The following CACNA1I variants were observed in gnomAD, a reference collection of about 807,000 sequenced individuals.
The protein encoded by CACNA1I is voltage-dependent T-type calcium channel subunit alpha-1I.
CACNA1I carries 74 observed loss-of-function variants against 201.6 expected under a neutral mutation model. The ratio of observed to expected loss-of-function variants is 0.37; its 90% CI spans 0.30 to 0.45. The LOEUF (loss-of-function observed/expected upper bound fraction) is 0.45. CACNA1I is among the 20% of genes least tolerant of loss of function. The probability of loss-of-function intolerance (pLI) is 1.00; values close to 1 mark genes in which losing one functional copy is unlikely to be tolerated. For synonymous variants in CACNA1I, 1,431 were observed against 1,345.2 expected (o/e 1.06, Z -1.40); for missense variants, 2,346 against 3,138.1 (o/e 0.75, Z 6.03).
Position 39,648,473 on chromosome 22 carries a change from C to T in CACNA1I, c.1567+547C>T, listed in dbSNP as rs149591682. Reference sequence around the variant, plus strand: ...AAAACGAGAGTTGGCTGTCGCCCCACGTCCAGGTGGGAGCAGTGAGCCGGC... The same window carrying T: ...AAAACGAGAGTTGGCTGTCGCCCCATGTCCAGGTGGGAGCAGTGAGCCGGC... On this transcript the variant is annotated intron_variant, in intron 9 of 36. Coordinates refer to ENST00000402142, the MANE Select transcript of CACNA1I (RefSeq NM_021096.4). This position sits in a 1 kb window ranked among gnomAD's most constrained non-coding sequence, Gnocchi z 5.4. 5.2e-3 allele frequency among the ~76,000 whole-genome samples: 796 copies of T among 152,160 alleles called. 9 individuals carry two copies. Among genetic ancestry groups the T allele is most frequent in the African/African-American group, 0.018 (746 of 41,532 alleles).
At chr22:39,634,082 G>A (rs557180583) in intron 4 of CACNA1I, among the ~76,000 whole-genome samples, 1 of 152,340 alleles carries the variant, frequency 6.6e-6, no homozygotes, top group African/African-American at 2.4e-5. Flanking sequence ...GGACAAGGGG[G>A]TTGTGAAAAG....
At chr22:39,675,738 C>T (rs1381566122) in intron 29 of CACNA1I, among the ~76,000 whole-genome samples, 1 of 151,960 alleles carries the variant, frequency 6.6e-6, no homozygotes. Context: ...GGGGAGGTGA[C>T]CCATGGACTG....
At chr22:39,642,946 C>A in intron 7 of CACNA1I, 57 bp downstream of exon 7, 1 of 1,233,208 alleles carries the variant, frequency 8.1e-7, no homozygotes, top group Non-Finnish European at 1.2e-6. Context: ...GACCAGGGGA[C>A]CTGAGGAGGG....
At chr22:39,635,438 G>A (rs1016358953) in intron 5 of CACNA1I, among the ~76,000 whole-genome samples, 1 of 152,150 alleles carries the variant, frequency 6.6e-6, no homozygotes, top group Non-Finnish European at 1.5e-5. Flanking sequence ...ATCATGGACC[G>A]AGGTGACTGT....
intron 1 of CACNA1I, among the ~76,000 whole-genome samples, chr22:39,591,808 C>T (rs888946044): frequency 1.3e-5 from 2 of 152,232 alleles, no homozygotes; most frequent in Admixed American, 1.3e-4. Context: ...GATCTGCCCG[C>T]CTTGGCCCCC....
At chr22:39,580,530 T>C (rs1022466005) in intron 1 of CACNA1I, among the ~76,000 whole-genome samples, 2 of 152,180 alleles carry the variant, frequency 1.3e-5, no homozygotes, top group African/African-American at 4.8e-5. Flanking sequence ...GGAGGGGCTA[T>C]TCAGCCTGGG....
rs2098595829 is a variant in CACNA1I, at chr22:39,677,903, G to A, written c.4934-84G>A. 1 of 1,461,796 alleles carries A rather than the reference G, an allele frequency of 6.8e-7. No individual in the cohort carries two copies. The highest frequency in any genetic ancestry group is 9.1e-7 in the Non-Finnish European group (1 of 1,095,058). The allele number at this position is 1,461,796 out of a possible 1,614,324, so 90.6% of individuals were successfully genotyped here. On this transcript the variant is annotated intron_variant, in intron 30 of 36. Transcript: ENST00000402142. The surrounding 1 kb of genome is among the most constrained non-coding windows in gnomAD (Gnocchi z 4.8). The stretch of plus-strand genomic sequence containing the variant: ...CCTCCTAGGGTGTGATGAGGGTTCT[G>A]AGGCGAGGCGGGAGGCACCAGGTCA...
Position 39,685,816 on chromosome 22 carries a change from T to C in CACNA1I, c.6083T>C (p.Leu2028Pro), listed in dbSNP as rs1294511686. 2 of 1,495,826 alleles carry C rather than the reference T, an allele frequency of 1.3e-6. No homozygotes were observed. Among genetic ancestry groups the C allele is most frequent in the African/African-American group, 1.5e-5 (1 of 68,344 alleles). 92.7% of individuals were successfully genotyped at this position (1,495,826 alleles called of 1,614,324 possible). Reference sequence around the variant, plus strand: ...AGCCCCAGCAGCTCCGCGGGCAGCCTGCAGACCACGCTCGAGGACAGCCTG... The same window carrying C: ...AGCCCCAGCAGCTCCGCGGGCAGCCCGCAGACCACGCTCGAGGACAGCCTG... The part of the protein sequence containing the change: ...DASPSSSAGS[L>P]QTTLEDSLTL... The change falls in exon 37 of 37, where the codon CTG (leucine) becomes CCG (proline). Residue 2028 changes from leucine to proline, a missense_variant. By Grantham distance (98) the Leu-to-Pro change is moderately conservative (BLOSUM62 -3). Around this residue, in one of 13 missense-constraint regions of CACNA1I, gnomAD observed 441 missense variants for 555.6 expected, o/e 0.79. Coordinates refer to ENST00000402142, the MANE Select transcript of CACNA1I (RefSeq NM_021096.4). This position sits in a 1 kb window ranked among gnomAD's most constrained non-coding sequence, Gnocchi z 5.0.
chr22:39,571,532 A>C (rs1932183806), intron 1 of CACNA1I, among the ~76,000 whole-genome samples: 1 of 152,096 alleles, frequency 6.6e-6, no homozygotes. Flanking sequence ...ATGGTCCTGG[A>C]GGTGCAGAGC....
intron 26 of CACNA1I, 40 bp from the exon 27 acceptor site, chr22:39,672,159 T>C: frequency 1.5e-6 from 2 of 1,324,578 alleles, no homozygotes; most frequent in Non-Finnish European, 2.2e-6. Context: ...GTGGAGCAGG[T>C]CATGTGCCCT....
chr22:39,606,783 C>T (rs1382867765), intron 3 of CACNA1I, among the ~76,000 whole-genome samples: 7 of 152,350 alleles, frequency 4.6e-5, no homozygotes, highest in Admixed American at 1.3e-4. Flanking sequence ...CCACCCTCCT[C>T]GGCCTCCCGA....
At chr22:39,585,865 A>C (rs1023411339) in intron 1 of CACNA1I, among the ~76,000 whole-genome samples, 2 of 150,532 alleles carry the variant, frequency 1.3e-5, no homozygotes, top group African/African-American at 2.4e-5. Flanking sequence ...CTGGTTTACT[A>C]ATCCTACACT....
At chr22:39,664,950 G>T in intron 21 of CACNA1I, 27 bp downstream of exon 21, 1 of 1,604,720 alleles carries the variant, frequency 6.2e-7, no homozygotes. Context: ...GGCGGATGGG[G>T]GAAAGTGTCA....
intron 4 of CACNA1I, among the ~76,000 whole-genome samples, chr22:39,630,586 C>A (rs115242424): frequency 6.6e-6 from 1 of 152,222 alleles, no homozygotes; most frequent in Non-Finnish European, 1.5e-5. Context: ...ACAGAGCAGC[C>A]GCCTTGGCCT....
At chr22:39,632,801 C>A (rs1476419320) in intron 4 of CACNA1I, among the ~76,000 whole-genome samples, 1 of 151,846 alleles carries the variant, frequency 6.6e-6, no homozygotes, top group African/African-American at 2.4e-5. Flanking sequence ...ATTATGAGGG[C>A]ACCCATTCTA....
chr22:39,661,180 T>G lies in CACNA1I; in HGVS notation c.2771T>G (p.Leu924Arg), dbSNP rs775142589. 1.2e-6 allele frequency: 2 copies of G among 1,612,894 alleles called. No homozygotes were observed. The highest frequency in any genetic ancestry group is 1.7e-6 in the Non-Finnish European group (2 of 1,179,676). ...LDPSLPLGGH[L>R]GPAGAAGPAP... ...CCCAGTCTCCCACTGGGTGGGCACCTAGGTCCTGCTGGGGCTGCGGGACCT... is the reference window on the plus strand; with the variant it reads ...CCCAGTCTCCCACTGGGTGGGCACCGAGGTCCTGCTGGGGCTGCGGGACCT... Residue 924 changes from leucine to arginine, a missense_variant, in exon 16 of 37, where the codon CTA becomes CGA. Physicochemically the swap from Leu to Arg is moderately radical, Grantham distance 102. This residue lies in a region of CACNA1I where 92 missense variants were observed against 114.5 expected (regional missense o/e 0.80). Coordinates refer to ENST00000402142, the MANE Select transcript of CACNA1I (RefSeq NM_021096.4).
chr22:39,668,627 G>A lies in CACNA1I; in HGVS notation c.4194+246G>A, dbSNP rs182950641. Among the ~76,000 whole-genome samples, 338 of 152,288 alleles carry A rather than the reference G, an allele frequency of 2.2e-3. 8 individuals carry two copies. The South Asian group carries it at 0.039, about 18-fold the overall frequency. ...CCCCACTTTGTGTGAAGAGGCATCT[G>A]AGCTGCACCCTGCCTGGAAGGGTGC... On this transcript the variant is annotated intron_variant, in intron 24 of 36. Coordinates refer to ENST00000402142, the MANE Select transcript of CACNA1I (RefSeq NM_021096.4).
Position 39,585,576 on chromosome 22 carries a change from T to C in CACNA1I, c.237-12575T>C, listed in dbSNP as rs140100529. Among the ~76,000 whole-genome samples, 1,023 of 148,156 alleles carry C rather than the reference T, an allele frequency of 6.9e-3. 14 individuals carry two copies. The highest frequency in any genetic ancestry group is 0.025 in the African/African-American group (995 of 40,130). On this transcript the variant is annotated intron_variant, in intron 1 of 36. Coordinates refer to ENST00000402142, the MANE Select transcript of CACNA1I (RefSeq NM_021096.4). ...AGATAAATTTTGTATTTAGTAGAGA[T>C]GGAGTTTCACCACGTTGACCAGGCT...
chr22:39,665,742 TCTC>T lies in CACNA1I; in HGVS notation c.3978+123_3978+125del, dbSNP rs1935169150. 1 of 1,539,886 alleles carries T rather than the reference TCTC, an allele frequency of 6.5e-7. No individual in the cohort carries two copies. The highest frequency in any genetic ancestry group is 8.9e-7 in the Non-Finnish European group (1 of 1,127,052). On this transcript the variant is annotated intron_variant, in intron 22 of 36. Transcript: ENST00000402142. The surrounding 1 kb of genome is among the most constrained non-coding windows in gnomAD (Gnocchi z 5.5). ...TCATGCGCCTTGCCAGCTGTGGGCT[TCTC>T]CTCCAGGGAGGGAGACAGACATGGG...
Sources: gnomAD v4.1 joint callset for allele counts (sites outside exome capture counted in the v4.1 genomes callset) on GRCh38, gnomAD v4.1.1 for gene constraint, gnomAD v4.1.1 regional missense constraint, Gnocchi (gnomAD v3.1) non-coding constraint, MANE v1.5 for transcripts, NCBI Gene and HGNC (gene_info 2026-07-23, HGNC 2026-07-21) for gene names.